The following KCTD1 variants were observed in gnomAD, a reference collection of about 807,000 sequenced individuals.
The protein encoded by KCTD1 is potassium channel tetramerization domain containing 1, also known as BTB/POZ domain-containing protein KCTD1.
A neutral mutation model predicts 66.0 loss-of-function variants in KCTD1; 24 were observed. That is an observed-to-expected ratio of 0.36 (90% confidence interval 0.26 to 0.51). The LOEUF is 0.51. KCTD1 is among the 20% of genes least tolerant of loss of function. The probability of loss-of-function intolerance (pLI) is 0.95; values close to 1 mark genes in which losing one functional copy is unlikely to be tolerated. For missense variants in KCTD1, 943 were observed against 1,205.2 expected, an observed-to-expected ratio of 0.78 and a Z score of 3.22; for synonymous variants, 511 against 517.2, an observed-to-expected ratio of 0.99 and a Z score of 0.16.
chr18:26,651,398 C>T (rs1416118068), intron 1 of KCTD1, among the ~76,000 whole-genome samples: 5 of 152,166 alleles, frequency 3.3e-5, no homozygotes, highest in African/African-American at 9.7e-5. Flanking sequence ...CTTCAGGAAA[C>T]GGATATAACC....
At chr18:26,502,136 G>C (rs1396279397) in intron 1 of KCTD1, among the ~76,000 whole-genome samples, 2 of 152,134 alleles carry the variant, frequency 1.3e-5, no homozygotes, top group Non-Finnish European at 2.9e-5. Flanking sequence ...TGCCAGCTCC[G>C]CCTCCTGGGT....
chr18:26,587,948 C>A (rs1986506815), intron 1 of KCTD1, among the ~76,000 whole-genome samples: 1 of 152,128 alleles, frequency 6.6e-6, no homozygotes. Flanking sequence ...GAAACGATAA[C>A]AAAGGTTTTA....
At chr18:26,513,564 A>G (rs186150597) in intron 1 of KCTD1, among the ~76,000 whole-genome samples, 1 of 152,350 alleles carries the variant, frequency 6.6e-6, no homozygotes, top group Non-Finnish European at 1.5e-5. Context: ...CGAGGATGCA[A>G]CAACATAGAG....
At chr18:26,469,220 T>C (rs1980918202) in intron 3 of KCTD1, among the ~76,000 whole-genome samples, 3 of 151,950 alleles carry the variant, frequency 2.0e-5, no homozygotes, top group Admixed American at 2.0e-4. Flanking sequence ...CCTTAGCCAA[T>C]TAAAGGGTGT....
intron 3 of KCTD1, among the ~76,000 whole-genome samples, chr18:26,467,587 G>A (rs1018804713): frequency 1.9e-4 from 29 of 151,992 alleles, no homozygotes; most frequent in Admixed American, 2.0e-4. Context: ...AGGCCGAGGT[G>A]GGTGGATCAC....
chr18:26,548,155 T>A lies in KCTD1; in HGVS notation c.382A>T (p.Ser128Cys). Residue 128 changes from serine (S) to cysteine (C), a missense_variant, in exon 1 of 5, where the codon AGC becomes TGC. By Grantham distance (112) the Ser-to-Cys change is moderately radical. Transcript: ENST00000580059. ...GGCGCCTCGGGCTCCAGCGCGGCGC[T>A]CTGGTCCATATTGATCATATGGACC... ...EPVHMINMDQ[S>C]AALEPEAPPR... The A allele has an allele frequency of 7.2e-7, 1 of 1,389,850 alleles. No individual in the cohort carries two copies. The highest frequency in any genetic ancestry group is 1.5e-5 in the African/African-American group (1 of 67,148). 86.1% of individuals were successfully genotyped at this position (1,389,850 alleles called of 1,614,324 possible).
intron 1 of KCTD1, among the ~76,000 whole-genome samples, chr18:26,650,618 C>G (rs1988013051): frequency 6.6e-6 from 1 of 152,144 alleles, no homozygotes; most frequent in South Asian, 2.1e-4. Flanking sequence ...ACAGCACAGA[C>G]AGAGATGGAG....
At position 26,599,936 on chromosome 18, in the gene KCTD1, T is replaced by A. The variant is rs1444120160; in HGVS notation, c.-16+29211A>T. 4 of 1,591,374 alleles carry A rather than the reference T, an allele frequency of 2.5e-6. No individual in the cohort carries two copies. The East Asian group carries it at 8.9e-5, about 36-fold the overall frequency. On this transcript the variant is annotated intron_variant, in intron 1 of 4. Transcript: ENST00000317932. Reference sequence around the variant, plus strand: ...TCTTCTAGTCAGCTTAAGTTTTCCATCACCAAGAAGTCTTCTCCTTCAGTG... The same window carrying A: ...TCTTCTAGTCAGCTTAAGTTTTCCAACACCAAGAAGTCTTCTCCTTCAGTG...
At chr18:26,526,379 G>C (rs763596676) in intron 1 of KCTD1, among the ~76,000 whole-genome samples, 1 of 152,098 alleles carries the variant, frequency 6.6e-6, no homozygotes, top group African/African-American at 2.4e-5. Context: ...ATCTAGACCC[G>C]GATTCGCACA....
chr18:26,580,233 G>C (rs8096605), intron 1 of KCTD1, among the ~76,000 whole-genome samples: 1 of 151,772 alleles, frequency 6.6e-6, no homozygotes, highest in African/African-American at 2.4e-5. Context: ...CAAGAATCAC[G>C]CGAATGCATA....
chr18:26,619,126 T>C (rs1228495977), intron 1 of KCTD1, among the ~76,000 whole-genome samples: 1 of 152,256 alleles, frequency 6.6e-6, no homozygotes, highest in African/African-American at 2.4e-5. Context: ...AGATATATGT[T>C]GTGTATAGAT....
chr18:26,547,973 G>A lies in KCTD1; in HGVS notation c.564C>T (p.Ser188=). ...YAVRIFREYL[S]EKAQSPDFET... is the part of the protein sequence containing the mutation. ...CGAAGTCCGGGCTCTGCGCCTTCTC[G>A]CTCAGGTACTCCCGGAAGATGCGCA... The change falls in exon 1 of 5, where the codon AGC becomes AGT. Residue 188 remains serine, a synonymous_variant. Coordinates refer to ENST00000580059, the MANE Select transcript of KCTD1 (RefSeq NM_001142730.3). 6.5e-7 allele frequency: 1 copy of A among 1,540,034 alleles called. No individual in the cohort carries two copies. Among genetic ancestry groups the A allele is most frequent in the Non-Finnish European group, 8.7e-7 (1 of 1,145,662 alleles).
intron 1 of KCTD1, among the ~76,000 whole-genome samples, chr18:26,610,655 G>A (rs771914703): frequency 2.0e-5 from 3 of 150,460 alleles, no homozygotes; most frequent in Admixed American, 6.6e-5. Flanking sequence ...AGAAGGGAGG[G>A]AGGGAGCAAG....
At chr18:26,499,123 T>C (rs1054403632) in intron 2 of KCTD1, among the ~76,000 whole-genome samples, 4 of 152,202 alleles carry the variant, frequency 2.6e-5, no homozygotes, top group African/African-American at 9.7e-5. Context: ...CAAGGTTTAA[T>C]TTACAGAAAC....
At chr18:26,524,153 G>T (rs927087262) in intron 1 of KCTD1, among the ~76,000 whole-genome samples, 6 of 152,210 alleles carry the variant, frequency 3.9e-5, no homozygotes, top group Admixed American at 2.0e-4. Flanking sequence ...ACTGGATTAG[G>T]ATCTAGACCT....
intron 1 of KCTD1, chr18:26,599,893 C>G: frequency 6.4e-7 from 1 of 1,556,336 alleles, no homozygotes; most frequent in South Asian, 1.1e-5. Flanking sequence ...AGGCAAAAAG[C>G]AAAACTTTGA....
At chr18:26,584,913 G>A (rs918473021) in intron 1 of KCTD1, among the ~76,000 whole-genome samples, 2 of 152,158 alleles carry the variant, frequency 1.3e-5, no homozygotes, top group African/African-American at 2.4e-5. Flanking sequence ...GCAGAGAGAC[G>A]GCAGCTCCCT....
At chr18:26,642,739 T>A (rs2095664908), upstream of KCTD1, among the ~76,000 whole-genome samples, 1 of 152,228 alleles carries the variant, frequency 6.6e-6, no homozygotes, top group Admixed American at 6.5e-5. Flanking sequence ...GAGGTTGCGA[T>A]CCCAAGAGAA....
At chr18:26,585,147 A>T (rs1986444633) in intron 1 of KCTD1, among the ~76,000 whole-genome samples, 1 of 152,134 alleles carries the variant, frequency 6.6e-6, no homozygotes, top group Admixed American at 6.6e-5. Flanking sequence ...AAGTGAACTT[A>T]ACTGGACCCC....
Sources: gnomAD v4.1 joint callset for allele counts (sites outside exome capture counted in the v4.1 genomes callset) on GRCh38, gnomAD v4.1.1 for gene constraint, MANE v1.5 for transcripts, NCBI Gene and HGNC (gene_info 2026-07-23, HGNC 2026-07-21) for gene names.